Variants in SLC7A5 observed in about 807,000 individuals in gnomAD.
SLC7A5 encodes large neutral amino acids transporter small subunit 1.
Under a neutral mutation model 50.2 loss-of-function variants are expected in SLC7A5, and 23 were observed. That is an observed-to-expected ratio of 0.46 (90% CI 0.33 to 0.65). The LOEUF is 0.65. Among genes scored for constraint, SLC7A5 ranks in the 30% least tolerant of loss-of-function variants. SLC7A5 has a pLI of 0.02. For missense variants in SLC7A5, 578 were observed against 684.4 expected, an observed-to-expected ratio of 0.84 and a Z score of 1.73; for synonymous variants, 393 against 330.6, an observed-to-expected ratio of 1.19 and a Z score of -2.05.
rs2055267895 is a variant in SLC7A5 at position 87,853,638 on chromosome 16, C to T, written c.539-1789G>A. On this transcript the variant is annotated intron_variant, in intron 1 of 9. Transcript: ENST00000261622. The surrounding 1 kb of genome is among the most constrained non-coding windows in gnomAD (Gnocchi z 4.4). ...AAGGGGCAGGTCCTGGCTTGCCAGT[C>T]CCATTTCCTTATGGTTGGGGGGAGC... Among the ~76,000 whole-genome samples, 1 of 152,178 alleles carries T rather than the reference C, an allele frequency of 6.6e-6. No homozygotes were observed. Among genetic ancestry groups the T allele is most frequent in the Admixed American group, 6.5e-5 (1 of 15,280 alleles).
At chr16:87,863,578 G>C (rs1268481475) in intron 1 of SLC7A5, 2 of 152,120 alleles carry the variant, frequency 1.3e-5, no homozygotes, top group Non-Finnish European at 2.9e-5. Flanking sequence ...ACATGGAGCT[G>C]GTTCCTCTCA....
At chr16:87,868,801 T>C (rs977246293) in intron 1 of SLC7A5, 84 bp downstream of exon 1, 6 of 1,359,500 alleles carry the variant, frequency 4.4e-6, no homozygotes, top group Non-Finnish European at 6.2e-6. Flanking sequence ...TGTAGAGATG[T>C]GGGAGCCAGG....
Position 87,862,770 on chromosome 16 carries a change from G to A in SLC7A5, c.538+6115C>T, listed in dbSNP as rs866682914. Among the ~76,000 whole-genome samples the A allele has an allele frequency of 1.3e-5, 2 of 152,230 alleles. No homozygotes were observed. The highest frequency in any genetic ancestry group is 1.9e-4 in the East Asian group (1 of 5,188). ...CCATTCCACAGTCAGAAACAGGCTCGGCGGGGCCAGGTGGATTTCTCAAAG... is the reference window on the plus strand; with the variant it reads ...CCATTCCACAGTCAGAAACAGGCTCAGCGGGGCCAGGTGGATTTCTCAAAG... On this transcript the variant is annotated intron_variant, in intron 1 of 9. Coordinates refer to ENST00000261622, the MANE Select transcript of SLC7A5 (RefSeq NM_003486.7). The surrounding 1 kb of genome is among the most constrained non-coding windows in gnomAD (Gnocchi z 5.3).
rs1369823780 is a variant in SLC7A5 at position 87,862,610 on chromosome 16, G to A, written c.538+6275C>T. ...CCTTCTTTTGCCAGAGGAGAAGACAGTGAGGCTGAGGGCTGCTCCATGTGC... is the reference window on the plus strand; with the variant it reads ...CCTTCTTTTGCCAGAGGAGAAGACAATGAGGCTGAGGGCTGCTCCATGTGC... On this transcript the variant is annotated intron_variant, in intron 1 of 9. Coordinates refer to ENST00000261622, the MANE Select transcript of SLC7A5 (RefSeq NM_003486.7). The surrounding 1 kb of genome is among the most constrained non-coding windows in gnomAD (Gnocchi z 5.3). 1.3e-5 allele frequency among the ~76,000 whole-genome samples: 2 copies of A among 152,218 alleles called. No homozygotes were observed. The highest frequency in any genetic ancestry group is 2.1e-4 in the South Asian group (1 of 4,830).
rs137858983 is a variant in SLC7A5, at chr16:87,843,944, A to C, written c.665-2789T>G. 1.0e-3 allele frequency among the ~76,000 whole-genome samples: 157 copies of C among 152,186 alleles called. 1 individual carries two copies. The highest frequency in any genetic ancestry group is 5.4e-3 in the South Asian group (26 of 4,826). On this transcript the variant is annotated intron_variant, in intron 2 of 9. Transcript: ENST00000261622. ...ACTCGGGCGTGGTCCTGGCTTCGAC[A>C]TGAAGCCCCAGGCACTGGGCAGGAC...
intron 1 of SLC7A5, among the ~76,000 whole-genome samples, chr16:87,865,449 C>T (rs566776304): frequency 6.6e-6 from 1 of 152,350 alleles, no homozygotes; most frequent in South Asian, 2.1e-4. Flanking sequence ...TGGCTCAAGC[C>T]TGTAATCCCA....
chr16:87,836,453 G>T, intron 8 of SLC7A5, 45 bp downstream of exon 8: 1 of 1,599,934 alleles, frequency 6.3e-7, no homozygotes. Context: ...CACGGACCCT[G>T]CCTCTGTGAA....
At chr16:87,867,231 C>T (rs1200386587) in intron 1 of SLC7A5, among the ~76,000 whole-genome samples, 1 of 152,196 alleles carries the variant, frequency 6.6e-6, no homozygotes, top group Non-Finnish European at 1.5e-5. Context: ...ACCAGGGGTT[C>T]ATTTTTTAAA....
chr16:87,840,213 G>A (rs1006883357), intron 4 of SLC7A5, among the ~76,000 whole-genome samples: 2 of 152,206 alleles, frequency 1.3e-5, no homozygotes, highest in Non-Finnish European at 2.9e-5. Context: ...GCCCTGAGTG[G>A]GGCCCTCACT....
intron 1 of SLC7A5, among the ~76,000 whole-genome samples, chr16:87,867,914 G>C (rs1207227432): frequency 6.6e-6 from 1 of 152,062 alleles, no homozygotes; most frequent in East Asian, 1.9e-4. Flanking sequence ...AGGAGATCGA[G>C]ACCATCCTGG....
rs939665640 is a variant in SLC7A5 at position 87,833,490 on chromosome 16, C to T, written c.1469-465G>A. Among the ~76,000 whole-genome samples, 1 of 152,200 alleles carries T rather than the reference C, an allele frequency of 6.6e-6. No individual in the cohort carries two copies. ...CGCCTGGGACTGTCTACAGAGACAT[C>T]ACTCTGTGGAGGGGGACTGCTTTCA... On this transcript the variant is annotated intron_variant, in intron 9 of 9. Coordinates refer to ENST00000261622, the MANE Select transcript of SLC7A5 (RefSeq NM_003486.7). The surrounding 1 kb of genome is among the most constrained non-coding windows in gnomAD (Gnocchi z 6.0).
At position 87,836,782 on chromosome 16, in the gene SLC7A5, C is replaced by G. The variant is rs1203842754; in HGVS notation, c.1141-135G>C. The G allele has an allele frequency of 5.3e-6, 4 of 750,622 alleles. No homozygotes were observed. The Admixed American group carries it at 6.2e-5, about 12-fold the overall frequency. The allele number at this position is 750,622 out of a possible 1,614,324, so 46.5% of individuals were successfully genotyped here. ...GGGAATTTTGTTTTAAAGGAGAAAC[C>G]TCATCTGAGCAACATGCAAGGTCTT... On this transcript the variant is annotated intron_variant, in intron 7 of 9. Transcript: ENST00000261622.
chr16:87,834,733 C>A (rs1030788239), intron 8 of SLC7A5, 142 bp from the exon 9 acceptor site: 11 of 826,420 alleles, frequency 1.3e-5, no homozygotes, highest in Admixed American at 4.0e-5. Flanking sequence ...TGCACTCCAT[C>A]TGCCTCACAC....
chr16:87,866,270 A>G (rs1339673488), intron 1 of SLC7A5, among the ~76,000 whole-genome samples: 1 of 152,232 alleles, frequency 6.6e-6, no homozygotes, highest in East Asian at 1.9e-4. Flanking sequence ...TAAATAGGCC[A>G]GCGATATATT....
At chr16:87,837,681 C>A in intron 7 of SLC7A5, 164 bp downstream of exon 7, 1 of 604,650 alleles carries the variant, frequency 1.7e-6, no homozygotes, top group Non-Finnish European at 2.9e-6. Flanking sequence ...AATCTAAAGC[C>A]CCTCCAGCGC....
At position 87,869,460 on chromosome 16, in the gene SLC7A5, C is replaced by T. The variant is rs558754767; in HGVS notation, c.-38G>A. 28 of 1,335,296 alleles carry T rather than the reference C, an allele frequency of 2.1e-5. No individual in the cohort carries two copies. The highest frequency in any genetic ancestry group is 2.5e-5 in the Non-Finnish European group (26 of 1,050,506). The allele number at this position is 1,335,296 out of a possible 1,614,324, so 82.7% of individuals were successfully genotyped here. A position where few individuals can be genotyped will look rare whatever the true frequency, so the allele number is the denominator to read the frequency against. ...GGCCGGGCCTGGGACACCCGGGAGC[C>T]GCGGCCCAGCGAGCAGTGTGCGCGC... On this transcript the variant is annotated 5_prime_UTR_variant, in exon 1 of 10. Coordinates refer to ENST00000261622, the MANE Select transcript of SLC7A5 (RefSeq NM_003486.7).
rs986931037 is a variant in SLC7A5 at position 87,852,422 on chromosome 16, G to C, written c.539-573C>G. 1.3e-5 allele frequency among the ~76,000 whole-genome samples: 2 copies of C among 152,208 alleles called. No individual in the cohort carries two copies. Among genetic ancestry groups the C allele is most frequent in the African/African-American group, 4.8e-5 (2 of 41,450 alleles). ...AGCCTGGGAGGGGCCACAGGGGCCT[G>C]TGGTGAGCAGAGCAGACCCTGCTGC... On this transcript the variant is annotated intron_variant, in intron 1 of 9. Coordinates refer to ENST00000261622, the MANE Select transcript of SLC7A5 (RefSeq NM_003486.7). The surrounding 1 kb of genome is among the most constrained non-coding windows in gnomAD (Gnocchi z 4.5).
chr16:87,869,426 C>G lies in SLC7A5; in HGVS notation c.-4G>C, dbSNP rs1165555177. On this transcript the variant is annotated 5_prime_UTR_variant, in exon 1 of 10. Transcript: ENST00000261622. ...GCTTCGGGCCCGCACCCGCCATGCT[C>G]TGCGCACCGGCCGGGCCTGGGACAC... The G allele has an allele frequency of 5.5e-6, 8 of 1,463,904 alleles. No individual in the cohort carries two copies. Among genetic ancestry groups the G allele is most frequent in the Non-Finnish European group, 7.1e-6 (8 of 1,119,272 alleles). The allele number at this position is 1,463,904 out of a possible 1,614,324, so 90.7% of individuals were successfully genotyped here. A position where few individuals can be genotyped will look rare whatever the true frequency, so the allele number is the denominator to read the frequency against.
At chr16:87,868,797 G>A (rs1332841636) in intron 1 of SLC7A5, 88 bp downstream of exon 1, 2 of 1,322,204 alleles carry the variant, frequency 1.5e-6, no homozygotes, top group East Asian at 5.0e-5. Context: ...AAGATGTAGA[G>A]ATGTGGGAGC....
Sources: allele counts gnomAD v4.1 joint callset (sites outside exome capture counted in the v4.1 genomes callset), GRCh38; gene constraint gnomAD v4.1.1; non-coding constraint Gnocchi (gnomAD v3.1); transcripts MANE v1.5; gene names NCBI Gene and HGNC (gene_info 2026-07-23, HGNC 2026-07-21).